The following IDE variants were observed in gnomAD, a reference collection of about 807,000 sequenced individuals.
The protein encoded by IDE is insulin-degrading enzyme.
In IDE, 58 loss-of-function variants were observed where a neutral mutation model predicts 133.2. That is an observed-to-expected ratio of 0.44 (90% CI 0.35 to 0.54). The LOEUF (loss-of-function observed/expected upper bound fraction) is 0.54, where lower values mean the gene tolerates loss of function less well. Ranked by LOEUF, IDE falls within the 20% of genes least tolerant of loss-of-function variation. IDE has a pLI of 0.00. For synonymous variants in IDE, 396 were observed against 421.3 expected (o/e 0.94, Z 0.73); for missense variants, 981 against 1,234.0 (o/e 0.79, Z 3.07).
chr10:92,486,192 T>C (rs1846984940), intron 13 of IDE, among the ~76,000 whole-genome samples: 1 of 151,514 alleles, frequency 6.6e-6, no homozygotes, highest in South Asian at 2.1e-4. Flanking sequence ...CTACTAAAAA[T>C]ACAAAAAATC....
At chr10:92,548,819 A>G (rs1269282017) in intron 1 of IDE, among the ~76,000 whole-genome samples, 2 of 152,192 alleles carry the variant, frequency 1.3e-5, no homozygotes, top group East Asian at 3.8e-4. Context: ...GTAGTTCTCA[A>G]TGGGTGACTA....
chr10:92,532,363 A>T (rs1361826856), intron 3 of IDE, among the ~76,000 whole-genome samples: 2 of 152,040 alleles, frequency 1.3e-5, no homozygotes, highest in Non-Finnish European at 2.9e-5. Flanking sequence ...ACTTAGACTC[A>T]GGCACCTTAG....
intron 11 of IDE, among the ~76,000 whole-genome samples, chr10:92,492,974 G>A (rs1211469503): frequency 2.0e-5 from 3 of 152,176 alleles, no homozygotes; most frequent in Non-Finnish European, 4.4e-5. Context: ...CCAGCTGTAG[G>A]TGTTCCTGAT....
At chr10:92,518,086 T>C (rs1170203143) in intron 4 of IDE, among the ~76,000 whole-genome samples, 1 of 152,084 alleles carries the variant, frequency 6.6e-6, no homozygotes, top group Non-Finnish European at 1.5e-5. Context: ...AAAAAGGCCT[T>C]TTGCTGGAGA....
At chr10:92,454,650 G>GT (rs1368073518) in intron 24 of IDE, 111 bp from the exon 25 acceptor site, 39 of 734,988 alleles carry the variant, frequency 5.3e-5, no homozygotes, top group African/African-American at 2.5e-4. Context: ...TTAATATACT[G>GT]TTTTTTTGTT....
At chr10:92,529,816 T>C (rs1053040700) in intron 4 of IDE, among the ~76,000 whole-genome samples, 3 of 152,202 alleles carry the variant, frequency 2.0e-5, no homozygotes, top group Non-Finnish European at 4.4e-5. Context: ...TTATGCTGAT[T>C]ATAATTTGTC....
At chr10:92,457,759 C>T (rs1441172897) in intron 22 of IDE, among the ~76,000 whole-genome samples, 2 of 152,084 alleles carry the variant, frequency 1.3e-5, no homozygotes, top group African/African-American at 4.8e-5. Flanking sequence ...AGTAACTGGG[C>T]AGTTACTAAT....
intron 16 of IDE, among the ~76,000 whole-genome samples, chr10:92,475,240 T>C (rs577724142): frequency 1.3e-5 from 2 of 152,312 alleles, no homozygotes; most frequent in Admixed American, 1.3e-4. Flanking sequence ...CAGAAAGTTA[T>C]CCCTAGTTTT....
At chr10:92,520,943 A>G (rs1849189557) in intron 4 of IDE, among the ~76,000 whole-genome samples, 1 of 152,188 alleles carries the variant, frequency 6.6e-6, no homozygotes, top group Non-Finnish European at 1.5e-5. Flanking sequence ...AAATATATGA[A>G]ATGTTTTTAC....
In IDE at chr10:92,522,697, T is replaced by G. The variant is rs542776489; in HGVS notation, c.662-7655A>C. Among the ~76,000 whole-genome samples the G allele has an allele frequency of 8.1e-4, 123 of 152,256 alleles. 1 individual carries two copies. The highest frequency in any genetic ancestry group is 2.9e-3 in the African/African-American group (122 of 41,546). ...TAAAAGCTCCAAATCTGGGCACAGA[T>G]CCTGACTCCAGCACTTAAAAGCTGA... On this transcript the variant is annotated intron_variant, in intron 4 of 24. Transcript: ENST00000265986.
At position 92,483,259 on chromosome 10, in the gene IDE, A is replaced by G; in HGVS notation, c.1735T>C (p.Phe579Leu). Residue 579 changes from phenylalanine to leucine, a missense_variant, in exon 14 of 25, where the codon TTC becomes CTC. Phe to Leu is a conservative substitution (Grantham distance 22). Around this residue, in one of 2 missense-constraint regions of IDE, gnomAD observed 660 missense variants for 894.7 expected, o/e 0.74. Coordinates refer to ENST00000265986, the MANE Select transcript of IDE (RefSeq NM_004969.4). ...LPKACLNFEF[F>L]SPFAYVDPLH... is the part of the protein sequence containing the mutation. ...AGCTAGATTCATCTTACATACCTGA[A>G]AAATTCAAAGTTGAGACAAGCCTTC... 1 of 1,569,118 alleles carries G rather than the reference A, an allele frequency of 6.4e-7. No homozygotes were observed. Among genetic ancestry groups the G allele is most frequent in the Non-Finnish European group, 8.8e-7 (1 of 1,139,194 alleles).
chr10:92,455,913 TTC>T (rs1356214680), intron 23 of IDE, among the ~76,000 whole-genome samples: 1 of 152,156 alleles, frequency 6.6e-6, no homozygotes, highest in Non-Finnish European at 1.5e-5. Flanking sequence ...TAATGTGACT[TTC>T]TGTCCACCCA....
intron 2 of IDE, among the ~76,000 whole-genome samples, chr10:92,535,841 G>C (rs981354597): frequency 6.6e-6 from 1 of 152,104 alleles, no homozygotes; most frequent in Non-Finnish European, 1.5e-5. Flanking sequence ...TTTGAGATCA[G>C]CCTGGCCTAC....
intron 1 of IDE, among the ~76,000 whole-genome samples, chr10:92,546,404 A>G (rs1842535113): frequency 6.6e-6 from 1 of 152,220 alleles, no homozygotes; most frequent in African/African-American, 2.4e-5. Flanking sequence ...AAATATCATA[A>G]AACACAGTAA....
At chr10:92,518,576 T>A (rs1013602541) in intron 4 of IDE, among the ~76,000 whole-genome samples, 3 of 152,208 alleles carry the variant, frequency 2.0e-5, no homozygotes, top group Non-Finnish European at 4.4e-5. Context: ...ATTCCACTCC[T>A]GGATATATGT....
intron 14 of IDE, among the ~76,000 whole-genome samples, chr10:92,481,835 T>C (rs949005006): frequency 6.6e-6 from 1 of 152,168 alleles, no homozygotes; most frequent in Non-Finnish European, 1.5e-5. Context: ...AAATGTAAAA[T>C]GGTCTCTCAA....
intron 1 of IDE, among the ~76,000 whole-genome samples, chr10:92,564,501 G>C (rs895628129): frequency 1.3e-5 from 2 of 150,042 alleles, no homozygotes; most frequent in Non-Finnish European, 3.0e-5. Context: ...ACGAAACCCT[G>C]TCTCTCTACT....
intron 19 of IDE, among the ~76,000 whole-genome samples, chr10:92,466,230 C>CA (rs59698259): frequency 2.3e-3 from 159 of 69,890 alleles, no homozygotes; most frequent in Middle Eastern, 6.7e-3. Flanking sequence ...GACCCTGTCT[C>CA]AAAAAAAAAA....
At chr10:92,474,601 GTTTA>G (rs1377318389) in intron 17 of IDE, 14 of 364,786 alleles carry the variant, frequency 3.8e-5, no homozygotes, top group Non-Finnish European at 6.0e-5. Flanking sequence ...ATCATCTCAA[GTTTA>G]TTTATCATTT....
Sources: allele counts gnomAD v4.1 joint callset (sites outside exome capture counted in the v4.1 genomes callset), GRCh38; gene constraint gnomAD v4.1.1; regional missense constraint gnomAD v4.1.1; transcripts MANE v1.5; gene names NCBI Gene and HGNC (gene_info 2026-07-23, HGNC 2026-07-21).